Variants in ARB2A observed in about 807,000 individuals in gnomAD.
ARB2A encodes cotranscriptional regulator ARB2A.
chr5:94,028,444 T>C, the ARB2A span, among the ~76,000 whole-genome samples: 160 of 152,280 alleles, frequency 1.1e-3, no homozygotes, highest in Non-Finnish European at 1.8e-3. Context: ...ACAATTCAAG[T>C]GCTAGAATGG....
the ARB2A span, among the ~76,000 whole-genome samples, chr5:93,840,611 A>C: frequency 6.6e-6 from 1 of 152,090 alleles, no homozygotes; most frequent in Non-Finnish European, 1.5e-5. Context: ...AGAATTCATA[A>C]ACTTATCTCT....
At chr5:94,027,618 A>G in the ARB2A span, among the ~76,000 whole-genome samples, 1 of 152,102 alleles carries the variant, frequency 6.6e-6, no homozygotes, top group African/African-American at 2.4e-5. Flanking sequence ...TCATTAATGT[A>G]CCCCCAGCCA....
the ARB2A span, among the ~76,000 whole-genome samples, chr5:93,821,128 A>C: frequency 6.6e-6 from 1 of 152,204 alleles, no homozygotes; most frequent in African/African-American, 2.4e-5. Context: ...GCAAAATATT[A>C]AAGCATAAGT....
the ARB2A span, among the ~76,000 whole-genome samples, chr5:93,839,631 G>C: frequency 6.6e-6 from 1 of 151,888 alleles, no homozygotes; most frequent in Non-Finnish European, 1.5e-5. Flanking sequence ...GATAGAATTT[G>C]GCTGTAGATC....
chr5:93,699,816 G>A, the ARB2A span, among the ~76,000 whole-genome samples: 6 of 151,270 alleles, frequency 4.0e-5, no homozygotes, highest in African/African-American at 7.3e-5. Context: ...AGGTAGAAAC[G>A]GCACTAGTAT....
the ARB2A span, among the ~76,000 whole-genome samples, chr5:93,902,077 A>T: frequency 6.6e-6 from 1 of 152,236 alleles, no homozygotes; most frequent in South Asian, 2.1e-4. Flanking sequence ...TAGGTAGTAG[A>T]TAAGATATAT....
the ARB2A span, among the ~76,000 whole-genome samples, chr5:93,896,011 C>T: frequency 6.6e-6 from 1 of 151,796 alleles, no homozygotes; most frequent in Non-Finnish European, 1.5e-5. Flanking sequence ...AAATAGAATT[C>T]ATCAAAACTT....
chr5:93,958,138 C>T, the ARB2A span, among the ~76,000 whole-genome samples: 1 of 151,902 alleles, frequency 6.6e-6, no homozygotes, highest in Non-Finnish European at 1.5e-5. Flanking sequence ...AAACCTTGAA[C>T]ACAATTTAAA....
chr5:93,840,061 T>G, the ARB2A span, among the ~76,000 whole-genome samples: 1 of 152,324 alleles, frequency 6.6e-6, no homozygotes, highest in East Asian at 1.9e-4. Context: ...TTCTTTGAGG[T>G]AGATTTGCTC....
chr5:93,799,271 A>C, the ARB2A span, among the ~76,000 whole-genome samples: 4 of 152,114 alleles, frequency 2.6e-5, no homozygotes, highest in African/African-American at 9.7e-5. Context: ...CAATCATAAA[A>C]ATTACAAAGA....
At chr5:93,693,263 G>A in the ARB2A span, among the ~76,000 whole-genome samples, 8 of 152,146 alleles carry the variant, frequency 5.3e-5, no homozygotes, top group African/African-American at 1.9e-4. Context: ...ATGAATCCAG[G>A]AGCTGGTTTT....
the ARB2A span, among the ~76,000 whole-genome samples, chr5:93,712,881 G>C: frequency 6.6e-6 from 1 of 152,052 alleles, no homozygotes. Context: ...GAACAGAATA[G>C]AGAACCCAGA....
At chr5:94,067,496 A>G in the ARB2A span, among the ~76,000 whole-genome samples, 1 of 152,226 alleles carries the variant, frequency 6.6e-6, no homozygotes, top group Non-Finnish European at 1.5e-5. Context: ...CAGTATATAG[A>G]ATCAACATAG....
the ARB2A span, among the ~76,000 whole-genome samples, chr5:94,065,282 G>C: frequency 6.6e-6 from 1 of 152,172 alleles, no homozygotes; most frequent in African/African-American, 2.4e-5. Flanking sequence ...GGGGGGCTGA[G>C]GCAGGCAGAT....
the ARB2A span, among the ~76,000 whole-genome samples, chr5:93,968,346 G>A: frequency 9.1e-4 from 138 of 152,196 alleles, no homozygotes; most frequent in African/African-American, 3.2e-3. Flanking sequence ...GAACAGATGG[G>A]TAATGTAAGG....
the ARB2A span, among the ~76,000 whole-genome samples, chr5:93,696,024 G>A: frequency 3.3e-5 from 5 of 152,044 alleles, no homozygotes; most frequent in Admixed American, 6.6e-5. Flanking sequence ...ATCACACACC[G>A]GGGTCTGTCG....
At chr5:93,896,892 CATTTTCCTTAG>C in the ARB2A span, among the ~76,000 whole-genome samples, 7 of 151,980 alleles carry the variant, frequency 4.6e-5, no homozygotes, top group Non-Finnish European at 8.8e-5. Context: ...AATACATTAA[CATTTTCCTTAG>C]AAAGTATAAA....
the ARB2A span, among the ~76,000 whole-genome samples, chr5:93,688,482 T>C: frequency 2.0e-5 from 3 of 152,242 alleles, no homozygotes; most frequent in African/African-American, 7.2e-5. Flanking sequence ...GTCTCTTTCA[T>C]CTTAAACAAA....
chr5:93,643,622 G>A, the ARB2A span, among the ~76,000 whole-genome samples: 1 of 152,126 alleles, frequency 6.6e-6, no homozygotes, highest in Non-Finnish European at 1.5e-5. Context: ...AGCATCCCGA[G>A]TAGCTGGGAT....
Sources: gnomAD v4.1 joint callset for allele counts (sites outside exome capture counted in the v4.1 genomes callset) on GRCh38, gnomAD v4.1.1 for gene constraint, MANE v1.5 for transcripts, NCBI Gene and HGNC (gene_info 2026-07-23, HGNC 2026-07-21) for gene names.